Variants in WDPCP observed in about 807,000 individuals in gnomAD.
The protein encoded by WDPCP is WD repeat-containing and planar cell polarity effector protein fritz homolog.
A neutral mutation model predicts 93.1 loss-of-function variants in WDPCP; 71 were observed. The observed-to-expected ratio is 0.76, with a 90% confidence interval of 0.63 to 0.93. The LOEUF (loss-of-function observed/expected upper bound fraction) is 0.93. Among genes scored for constraint, WDPCP ranks in the 40% least tolerant of loss-of-function variants. The pLI, the probability that WDPCP is intolerant of heterozygous loss-of-function variation, is 0.00. For synonymous variants in WDPCP, 315 were observed against 315.0 expected (o/e 1.00, Z 0.00); for missense variants, 844 against 887.4 (o/e 0.95, Z 0.62).
chr2:63,264,730 A>C (rs890282650), intron 13 of WDPCP, among the ~76,000 whole-genome samples: 4 of 152,218 alleles, frequency 2.6e-5, no homozygotes, highest in Non-Finnish European at 4.4e-5. Context: ...AATGGACCTA[A>C]CAGATATTTT....
chr2:63,452,929 A>T (rs984908179), intron 6 of WDPCP, among the ~76,000 whole-genome samples: 15 of 152,188 alleles, frequency 9.9e-5, no homozygotes, highest in African/African-American at 3.1e-4. Context: ...TTACACCTTA[A>T]ACAAAAATTA....
intron 15 of WDPCP, among the ~76,000 whole-genome samples, chr2:63,170,280 T>C (rs1048717044): frequency 2.0e-5 from 3 of 151,388 alleles, no homozygotes; most frequent in Admixed American, 2.0e-4. Flanking sequence ...TTCTTTCTTT[T>C]TTTTTTTTCT....
chr2:63,633,310 T>C (rs190285741), intron 3 of WDPCP, among the ~76,000 whole-genome samples: 5 of 152,272 alleles, frequency 3.3e-5, no homozygotes, highest in African/African-American at 1.2e-4. Context: ...AAGGTAAATA[T>C]ATAGTCAAAT....
At chr2:63,258,234 A>T (rs1346840976) in intron 14 of WDPCP, among the ~76,000 whole-genome samples, 1 of 152,200 alleles carries the variant, frequency 6.6e-6, no homozygotes, top group Non-Finnish European at 1.5e-5. Context: ...ATACTGCATT[A>T]ATAGTGAGTA....
chr2:63,424,995 C>T (rs1696160214), intron 9 of WDPCP, among the ~76,000 whole-genome samples: 1 of 152,132 alleles, frequency 6.6e-6, no homozygotes, highest in African/African-American at 2.4e-5. Flanking sequence ...AACTTATCTG[C>T]CAGTCATTAC....
At chr2:63,771,971 A>C (rs949321716) in intron 2 of WDPCP, among the ~76,000 whole-genome samples, 2 of 152,058 alleles carry the variant, frequency 1.3e-5, no homozygotes, top group Admixed American at 6.6e-5. Context: ...ACTTGATTCC[A>C]TATCTTTGCT....
intron 14 of WDPCP, among the ~76,000 whole-genome samples, chr2:63,217,297 C>A (rs528644916): frequency 6.6e-6 from 1 of 152,316 alleles, no homozygotes; most frequent in East Asian, 1.9e-4. Context: ...TCATCTATGG[C>A]TGCTTTTGGA....
intron 14 of WDPCP, among the ~76,000 whole-genome samples, chr2:63,253,656 T>A (rs1406142267): frequency 6.6e-6 from 1 of 152,050 alleles, no homozygotes; most frequent in East Asian, 1.9e-4. Flanking sequence ...ATGTCACTAA[T>A]CAAAGAGATG....
intron 6 of WDPCP, among the ~76,000 whole-genome samples, chr2:63,455,777 G>C (rs1445446980): frequency 6.6e-6 from 1 of 152,072 alleles, no homozygotes; most frequent in African/African-American, 2.4e-5. Flanking sequence ...AGATCATCTA[G>C]ACAGAAAACC....
At chr2:63,704,765 T>C (rs1669121288) in intron 2 of WDPCP, among the ~76,000 whole-genome samples, 1 of 152,192 alleles carries the variant, frequency 6.6e-6, no homozygotes, top group Admixed American at 6.5e-5. Flanking sequence ...TGCTCTTTTT[T>C]TGTTGTGTTT....
intron 1 of WDPCP, among the ~76,000 whole-genome samples, chr2:63,546,631 T>C (rs568167173): frequency 6.6e-6 from 1 of 152,308 alleles, no homozygotes; most frequent in African/African-American, 2.4e-5. Context: ...GGTGCCAGGC[T>C]TGTAAGTGAC....
intron 3 of WDPCP, among the ~76,000 whole-genome samples, chr2:63,594,093 T>A (rs2106603691): frequency 6.6e-6 from 1 of 152,356 alleles, no homozygotes; most frequent in Non-Finnish European, 1.5e-5. Flanking sequence ...TCTTTCACTC[T>A]TCTTCTTGGT....
chr2:63,421,007 C>A (rs557535481), intron 9 of WDPCP, among the ~76,000 whole-genome samples: 1 of 152,134 alleles, frequency 6.6e-6, no homozygotes, highest in Non-Finnish European at 1.5e-5. Context: ...AATTATATTA[C>A]CTATTGCTAA....
chr2:63,271,740 A>G (rs977591655), intron 13 of WDPCP, among the ~76,000 whole-genome samples: 1 of 152,084 alleles, frequency 6.6e-6, no homozygotes, highest in African/African-American at 2.4e-5. Context: ...GAATCAACCC[A>G]TCCCACCCAC....
chr2:63,604,893 T>A, intron 3 of WDPCP: 2 of 1,612,512 alleles, frequency 1.2e-6, no homozygotes, highest in Non-Finnish European at 1.7e-6. Context: ...TCTGTGAGCC[T>A]TCTTAACACT....
intron 8 of WDPCP, among the ~76,000 whole-genome samples, 173 bp from the exon 9 acceptor site, chr2:63,434,109 A>G (rs1696969545): frequency 6.6e-6 from 1 of 152,212 alleles, no homozygotes; most frequent in Non-Finnish European, 1.5e-5. Flanking sequence ...CACATATATA[A>G]AAAAGACATA....
At chr2:63,476,866 A>T (rs1414481468) in intron 6 of WDPCP, among the ~76,000 whole-genome samples, 1 of 152,190 alleles carries the variant, frequency 6.6e-6, no homozygotes, top group Non-Finnish European at 1.5e-5. Flanking sequence ...GTCACAATTT[A>T]TCTGTGATAG....
intron 10 of WDPCP, among the ~76,000 whole-genome samples, chr2:63,397,058 AG>A (rs1693791451): frequency 6.6e-6 from 1 of 152,214 alleles, no homozygotes; most frequent in African/African-American, 2.4e-5. Flanking sequence ...GATAGCACTC[AG>A]GGGATTAACT....
At chr2:63,233,095 G>C (rs140770099) in intron 14 of WDPCP, 3 of 157,132 alleles carry the variant, frequency 1.9e-5, no homozygotes, top group African/African-American at 7.2e-5. Context: ...CTCTTTTTAA[G>C]TTCCTGCATT....
Sources: allele counts gnomAD v4.1 joint callset (sites outside exome capture counted in the v4.1 genomes callset), GRCh38; gene constraint gnomAD v4.1.1; transcripts MANE v1.5; gene names NCBI Gene and HGNC (gene_info 2026-07-23, HGNC 2026-07-21).